Variants in TBC1D9B observed in about 807,000 individuals in gnomAD.
TBC1D9B encodes the protein TBC1 domain family member 9B, also known as TBC1 domain family, member 9B (with GRAM domain).
TBC1D9B carries 87 observed loss-of-function variants against 121.1 expected under a neutral mutation model. The observed-to-expected ratio is 0.72, with a 90% CI of 0.60 to 0.86. TBC1D9B has a LOEUF of 0.86. TBC1D9B is among the 40% of genes least tolerant of loss of function. The pLI, the probability that TBC1D9B is intolerant of heterozygous loss-of-function variation, is 0.00. For synonymous variants in TBC1D9B, 668 were observed against 670.1 expected (o/e 1.00, Z 0.05); for missense variants, 1,540 against 1,628.6 (o/e 0.95, Z 0.94).
intron 10 of TBC1D9B, among the ~76,000 whole-genome samples, chr5:179,877,123 G>A (rs1056497006): frequency 2.1e-5 from 3 of 142,932 alleles, no homozygotes; most frequent in African/African-American, 5.3e-5. Flanking sequence ...GGTGGCTCAC[G>A]CCTATAATCC....
In TBC1D9B at chr5:179,904,279, C is replaced by A. The variant is rs958676656; in HGVS notation, c.229+423G>T. ...TCGCTGTGTCGCCCAGGCTGGAGTG[C>A]AGTGGCGCGATCTCGGCTCACTGCA... On this transcript the variant is annotated intron_variant, in intron 2 of 20. Coordinates refer to ENST00000355235, the MANE Select transcript of TBC1D9B (RefSeq NM_015043.4). The surrounding 1 kb of genome is among the most constrained non-coding windows in gnomAD (Gnocchi z 4.2). Among the ~76,000 whole-genome samples, 1 of 137,860 alleles carries A rather than the reference C, an allele frequency of 7.3e-6. No individual in the cohort carries two copies. Among genetic ancestry groups the A allele is most frequent in the South Asian group, 2.3e-4 (1 of 4,418 alleles). The allele number at this position is 137,860 out of a possible 152,430, so 90.4% of individuals were successfully genotyped here. A position where few individuals can be genotyped will look rare whatever the true frequency, so the allele number is the denominator to read the frequency against.
rs1303735480 is a variant in TBC1D9B at position 179,907,283 on chromosome 5, G to A, written c.118+421C>T. 1.3e-5 allele frequency among the ~76,000 whole-genome samples: 2 copies of A among 152,146 alleles called. No individual in the cohort carries two copies. Among genetic ancestry groups the A allele is most frequent in the Non-Finnish European group, 2.9e-5 (2 of 68,012 alleles). On this transcript the variant is annotated intron_variant, in intron 1 of 20. Coordinates refer to ENST00000355235, the MANE Select transcript of TBC1D9B (RefSeq NM_015043.4). The surrounding 1 kb of genome is among the most constrained non-coding windows in gnomAD (Gnocchi z 5.3). ...AAGAAGAGGGCAAAAGAAAACGTGC[G>A]CTGGCGTCACCTGGCCCCTTAGAGG...
chr5:179,891,412 C>G lies in TBC1D9B; in HGVS notation c.1011G>C (p.Glu337Asp). The stretch of plus-strand genomic sequence containing the variant: ...GGGGTATGATGAGGTGGCAAGCGTC[C>G]TCCTCCTTGCTGGCGAAGCAGATGT... ...NNYICFASKE[E>D]DACHLIIPLR... Residue 337 changes from glutamate to aspartate, a missense_variant, in exon 6 of 21, where the codon GAG (glutamate) becomes GAC (aspartate). Physicochemically the swap from Glu to Asp is conservative, Grantham distance 45. Transcript: ENST00000355235. The surrounding 1 kb of genome is among the most constrained non-coding windows in gnomAD (Gnocchi z 4.3). 6.2e-7 allele frequency: 1 copy of G among 1,614,152 alleles called. No homozygotes were observed. The highest frequency in any genetic ancestry group is 8.5e-7 in the Non-Finnish European group (1 of 1,179,954).
At chr5:179,870,805 G>A in intron 15 of TBC1D9B, 1 of 380,076 alleles carries the variant, frequency 2.6e-6, no homozygotes, top group Non-Finnish European at 4.8e-6. Flanking sequence ...GAGGCCTGAG[G>A]CTTGCTCTCG....
chr5:179,871,172 A>G (rs979927633), intron 15 of TBC1D9B, among the ~76,000 whole-genome samples: 7 of 152,152 alleles, frequency 4.6e-5, no homozygotes, highest in African/African-American at 1.7e-4. Context: ...GTGCATTGCT[A>G]GACTTTTCAG....
At chr5:179,886,606 T>C (rs1248189551) in intron 7 of TBC1D9B, among the ~76,000 whole-genome samples, 1 of 152,168 alleles carries the variant, frequency 6.6e-6, no homozygotes, top group Non-Finnish European at 1.5e-5. Flanking sequence ...TTATTTAGCA[T>C]CTATTACTGG....
chr5:179,897,055 C>T (rs896374520), intron 3 of TBC1D9B, among the ~76,000 whole-genome samples: 18 of 151,528 alleles, frequency 1.2e-4, no homozygotes, highest in Non-Finnish European at 2.4e-4. Context: ...TACAGGCCCC[C>T]GCCACCATGC....
chr5:179,881,378 C>T (rs571313873), intron 7 of TBC1D9B, among the ~76,000 whole-genome samples: 3 of 152,296 alleles, frequency 2.0e-5, no homozygotes, highest in East Asian at 1.9e-4. Flanking sequence ...GAGCCCTCCA[C>T]GGGTGCCCTC....
chr5:179,894,191 G>A (rs1388063721), intron 4 of TBC1D9B, among the ~76,000 whole-genome samples, 195 bp downstream of exon 4: 1 of 152,194 alleles, frequency 6.6e-6, no homozygotes, highest in African/African-American at 2.4e-5. Flanking sequence ...TAGCGAGTGG[G>A]GGGCATGGTA....
rs1400291648 is a variant in TBC1D9B at position 179,907,885 on chromosome 5, C to G, written c.-64G>C. 1.6e-5 allele frequency: 15 copies of G among 919,096 alleles called. No individual in the cohort carries two copies. The highest frequency in any genetic ancestry group is 1.1e-4 in the East Asian group (1 of 8,830). 56.9% of individuals were successfully genotyped at this position (919,096 alleles called of 1,614,324 possible). A position where few individuals can be genotyped will look rare whatever the true frequency, so the allele number is the denominator to read the frequency against. On this transcript the variant is annotated 5_prime_UTR_variant, in exon 1 of 21. Coordinates refer to ENST00000355235, the MANE Select transcript of TBC1D9B (RefSeq NM_015043.4). This position sits in a 1 kb window ranked among gnomAD's most constrained non-coding sequence, Gnocchi z 5.3. ...GAAGCGCCCGCCGCCGTCGGCGTCC[C>G]GGAGCGGAGCGTGCGGAGCGGAGCG...
intron 2 of TBC1D9B, among the ~76,000 whole-genome samples, chr5:179,901,209 C>T (rs1761157714): frequency 6.6e-6 from 1 of 152,172 alleles, no homozygotes; most frequent in African/African-American, 2.4e-5. Context: ...CCTGGAAGCC[C>T]CTTAAGTCAT....
intron 18 of TBC1D9B, chr5:179,867,346 C>T (rs2113601612): frequency 7.5e-7 from 1 of 1,336,864 alleles, no homozygotes; most frequent in East Asian, 2.5e-5. Flanking sequence ...AGGATGAAGT[C>T]CCAGAGAGGT....
chr5:179,872,879 C>G lies in TBC1D9B; in HGVS notation c.2415+13G>C. 1.3e-6 allele frequency: 2 copies of G among 1,545,878 alleles called. No individual in the cohort carries two copies. Among genetic ancestry groups the G allele is most frequent in the Non-Finnish European group, 1.8e-6 (2 of 1,132,342 alleles). ...CCAGCCCAGCCCCTGCCCAGCCCTG[C>G]TGGCACCCATACCACACTCCTCTTG... On this transcript the variant is annotated intron_variant, in intron 14 of 20. Coordinates refer to ENST00000355235, the MANE Select transcript of TBC1D9B (RefSeq NM_015043.4).
chr5:179,874,040 C>T lies in TBC1D9B; in HGVS notation c.2187-792G>A, dbSNP rs572951748. 1.2e-4 allele frequency among the ~76,000 whole-genome samples: 19 copies of T among 152,164 alleles called. No individual in the cohort carries two copies. Among genetic ancestry groups the T allele is most frequent in the Non-Finnish European group, 2.4e-4 (16 of 68,024 alleles). ...TAGAGAGTCCCAGGCAGCACCTGGC[C>T]TGGCCATGGGCAAGTGGCAGAGTCC... On this transcript the variant is annotated intron_variant, in intron 12 of 20. Transcript: ENST00000355235. This position sits in a 1 kb window ranked among gnomAD's most constrained non-coding sequence, Gnocchi z 4.3.
At chr5:179,881,362 C>T (rs1294857089) in intron 7 of TBC1D9B, among the ~76,000 whole-genome samples, 1 of 152,162 alleles carries the variant, frequency 6.6e-6, no homozygotes. Flanking sequence ...GAACAGGGAA[C>T]AATCCGAGCC....
intron 12 of TBC1D9B, 86 bp from the exon 13 acceptor site, chr5:179,873,334 A>G: frequency 1.4e-6 from 2 of 1,454,982 alleles, no homozygotes; most frequent in Non-Finnish European, 1.8e-6. Context: ...GAGGGACCCA[A>G]TCTTTATGCA....
intron 1 of TBC1D9B, among the ~76,000 whole-genome samples, chr5:179,906,409 C>T (rs1761317775): frequency 6.6e-6 from 1 of 152,200 alleles, no homozygotes; most frequent in Non-Finnish European, 1.5e-5. Flanking sequence ...CCGGGCTGCA[C>T]CTGCACCCGC....
intron 2 of TBC1D9B, among the ~76,000 whole-genome samples, chr5:179,901,089 G>A (rs1761153477): frequency 6.6e-6 from 1 of 152,134 alleles, no homozygotes; most frequent in Non-Finnish European, 1.5e-5. Flanking sequence ...AAGAAGCAAG[G>A]CCACAGGATA....
intron 7 of TBC1D9B, among the ~76,000 whole-genome samples, chr5:179,886,872 CG>C (rs1760700687): frequency 6.6e-6 from 1 of 152,258 alleles, no homozygotes; most frequent in Admixed American, 6.5e-5. Context: ...GAATCAAAGA[CG>C]ACCAGTGTCG....
Sources: allele counts gnomAD v4.1 joint callset (sites outside exome capture counted in the v4.1 genomes callset), GRCh38; gene constraint gnomAD v4.1.1; non-coding constraint Gnocchi (gnomAD v3.1); transcripts MANE v1.5; gene names NCBI Gene and HGNC (gene_info 2026-07-23, HGNC 2026-07-21).